Variants in CNKSR3 observed in about 807,000 individuals in gnomAD.
The protein encoded by CNKSR3 is connector enhancer of kinase suppressor of ras 3.
In CNKSR3, 36 loss-of-function variants were observed where a neutral mutation model predicts 67.7. The observed-to-expected ratio is 0.53, with a 90% CI of 0.41 to 0.70. The LOEUF is 0.70. CNKSR3 is among the 30% of genes least tolerant of loss of function. The pLI is 0.00. For missense variants in CNKSR3, 630 were observed against 695.2 expected (o/e 0.91, Z 1.05); for synonymous variants, 281 against 271.4 (o/e 1.04, Z -0.35).
intron 1 of CNKSR3, among the ~76,000 whole-genome samples, chr6:154,479,032 A>T (rs1231419927): frequency 2.0e-5 from 3 of 151,866 alleles, no homozygotes; most frequent in Admixed American, 6.6e-5. Context: ...CAAATTGTTT[A>T]AAAAGGGGGA....
At chr6:154,479,568 C>A (rs1487520010) in intron 1 of CNKSR3, among the ~76,000 whole-genome samples, 1 of 152,058 alleles carries the variant, frequency 6.6e-6, no homozygotes, top group African/African-American at 2.4e-5. Context: ...ACAGATCTCA[C>A]TGCGACAGCT....
chr6:154,460,873 C>T (rs1002693765), intron 1 of CNKSR3, among the ~76,000 whole-genome samples: 8 of 152,168 alleles, frequency 5.3e-5, no homozygotes, highest in Non-Finnish European at 1.2e-4. Flanking sequence ...GCAGTGGCCG[C>T]GACAGCTGCA....
At chr6:154,417,459 T>C (rs1785046575) in intron 9 of CNKSR3, among the ~76,000 whole-genome samples, 1 of 152,148 alleles carries the variant, frequency 6.6e-6, no homozygotes, top group Admixed American at 6.6e-5. Context: ...TTTCACTGAA[T>C]CACCCATCAC....
intron 1 of CNKSR3, among the ~76,000 whole-genome samples, chr6:154,454,651 AGCTGGGACTAC>A (rs1785913626): frequency 6.6e-6 from 1 of 151,962 alleles, no homozygotes; most frequent in Non-Finnish European, 1.5e-5. Flanking sequence ...CCTCCCAAGT[AGCTGGGACTAC>A]AGGTGTGTGC....
intron 1 of CNKSR3, among the ~76,000 whole-genome samples, chr6:154,499,432 G>C (rs901119868): frequency 6.6e-6 from 1 of 152,194 alleles, no homozygotes; most frequent in African/African-American, 2.4e-5. Context: ...GATTCTGCAG[G>C]TCTGGGGTGA....
In CNKSR3 at chr6:154,430,494, T is replaced by C. The variant is rs1785342451; in HGVS notation, c.647A>G (p.Asn216Ser). Residue 216 changes from asparagine (N) to serine (S), a missense_variant, in exon 6 of 13, where the codon AAC becomes AGC. Coordinates refer to ENST00000607772, the MANE Select transcript of CNKSR3 (RefSeq NM_173515.4). ...TACCAGGCCTTCCCCAGGTTTAATGTTTGGTAAGTGAACTTCCTCCAGACA... is the reference window on the plus strand; with the variant it reads ...TACCAGGCCTTCCCCAGGTTTAATGCTTGGTAAGTGAACTTCCTCCAGACA... ...CACLEEVHLP[N>S]IKPGEGLGMY... 2.5e-6 allele frequency: 4 copies of C among 1,611,878 alleles called. No homozygotes were observed. The highest frequency in any genetic ancestry group is 2.5e-6 in the Non-Finnish European group (3 of 1,179,336).
At chr6:154,502,353 A>G (rs5022811) in intron 1 of CNKSR3, among the ~76,000 whole-genome samples, 42,802 of 149,898 alleles carry the variant, frequency 0.29, 6,217 homozygotes, top group African/African-American at 0.33. Flanking sequence ...CACCATGCCC[A>G]GCTAATTTTT....
chr6:154,427,203 A>G (rs571043984), intron 7 of CNKSR3, among the ~76,000 whole-genome samples: 24 of 152,260 alleles, frequency 1.6e-4, no homozygotes, highest in Middle Eastern at 3.4e-3. Context: ...CTCACTACAA[A>G]CATCAAGTGC....
chr6:154,440,645 A>G (rs1034070234), intron 4 of CNKSR3, among the ~76,000 whole-genome samples: 12 of 152,230 alleles, frequency 7.9e-5, no homozygotes, highest in Admixed American at 1.3e-4. Context: ...TGCAGTCCAG[A>G]ACATCAGTCA....
intron 1 of CNKSR3, among the ~76,000 whole-genome samples, chr6:154,509,704 C>T (rs554705904): frequency 2.6e-5 from 4 of 152,160 alleles, no homozygotes; most frequent in Admixed American, 2.0e-4. Flanking sequence ...TGCACTCGGG[C>T]CCCCGGGTCG....
chr6:154,431,302 G>A (rs1363606935), intron 5 of CNKSR3, among the ~76,000 whole-genome samples: 1 of 151,908 alleles, frequency 6.6e-6, no homozygotes, highest in East Asian at 1.9e-4. Context: ...AAATTAGACG[G>A]GCATGGTGGC....
intron 1 of CNKSR3, among the ~76,000 whole-genome samples, chr6:154,482,826 C>A (rs1272732431): frequency 6.6e-6 from 1 of 152,024 alleles, no homozygotes; most frequent in Admixed American, 6.6e-5. Flanking sequence ...CTACAGGCAA[C>A]GGAAAGATAA....
intron 6 of CNKSR3, among the ~76,000 whole-genome samples, chr6:154,429,959 T>C (rs1785331010): frequency 6.6e-6 from 1 of 152,216 alleles, no homozygotes; most frequent in Non-Finnish European, 1.5e-5. Context: ...CACAGCTTCT[T>C]CACGAAAATT....
chr6:154,422,768 G>T, intron 8 of CNKSR3, 116 bp from the exon 9 acceptor site: 1 of 1,229,752 alleles, frequency 8.1e-7, no homozygotes, highest in Non-Finnish European at 1.2e-6. Context: ...AAACAAAATA[G>T]GCAGGCGTAA....
Position 154,406,433 on chromosome 6 carries a change from G to A in CNKSR3, c.1589C>T (p.Ser530Phe), listed in dbSNP as rs146062752. Reference protein sequence around the residue: ...QEEGTKKKSGSSATKSSSTEP... With the variant: ...QEEGTKKKSGFSATKSSSTEP... ...TGTGGACGAGGACTTCGTAGCTGAGGAGCCAGATTTCTTTTTGGTCCCTTC... is the reference window on the plus strand; with the variant it reads ...TGTGGACGAGGACTTCGTAGCTGAGAAGCCAGATTTCTTTTTGGTCCCTTC... Residue 530 changes from serine to phenylalanine, a missense_variant, in exon 13 of 13, where the codon TCC becomes TTC. This residue lies in a region of CNKSR3 where 308 missense variants were observed against 299.6 expected (regional missense o/e 1.03). Transcript: ENST00000607772. The A allele has an allele frequency of 1.4e-5, 22 of 1,614,172 alleles. No homozygotes were observed. In the South Asian group the frequency reaches 1.4e-4, roughly 10 times the overall value.
intron 9 of CNKSR3, among the ~76,000 whole-genome samples, chr6:154,415,406 T>C (rs1785004639): frequency 6.6e-6 from 1 of 151,776 alleles, no homozygotes; most frequent in South Asian, 2.1e-4. Context: ...AATTTTTGTA[T>C]GTTTAGTAGA....
chr6:154,481,075 CTT>C (rs774475811), intron 1 of CNKSR3, among the ~76,000 whole-genome samples: 2 of 151,838 alleles, frequency 1.3e-5, no homozygotes, highest in Non-Finnish European at 2.9e-5. Context: ...TGATAGCAGT[CTT>C]ATGCTTATTC....
chr6:154,403,129 A>G lies in CNKSR3; in HGVS notation c.*3225T>C, dbSNP rs1016556033. The G allele has an allele frequency of 6.6e-6, 1 of 152,162 alleles. No homozygotes were observed. Among genetic ancestry groups the G allele is most frequent in the African/African-American group, 2.4e-5 (1 of 41,442 alleles). 9.4% of individuals were successfully genotyped at this position (152,162 alleles called of 1,614,324 possible). A position where few individuals can be genotyped will look rare whatever the true frequency, so the allele number is the denominator to read the frequency against. On this transcript the variant is annotated 3_prime_UTR_variant, in exon 13 of 13. Transcript: ENST00000607772. Reference sequence around the variant, plus strand: ...TTGAAAAGTGATGCTATAAAATATTATAATAGGGGTAGGTGTTGAGTTGTG... The same window carrying G: ...TTGAAAAGTGATGCTATAAAATATTGTAATAGGGGTAGGTGTTGAGTTGTG...
intron 9 of CNKSR3, among the ~76,000 whole-genome samples, chr6:154,421,921 T>A (rs1026434773): frequency 6.6e-6 from 1 of 152,156 alleles, no homozygotes; most frequent in Non-Finnish European, 1.5e-5. Context: ...CAGCCATATG[T>A]GAATATTCTG....
Sources: allele counts gnomAD v4.1 joint callset (sites outside exome capture counted in the v4.1 genomes callset), GRCh38; gene constraint gnomAD v4.1.1; regional missense constraint gnomAD v4.1.1; transcripts MANE v1.5; gene names NCBI Gene and HGNC (gene_info 2026-07-23, HGNC 2026-07-21).